Variants in SLC28A3 observed in about 807,000 individuals in gnomAD.
SLC28A3 encodes concentrative Na(+)-nucleoside cotransporter 3.
In SLC28A3, 68 loss-of-function variants were observed where a neutral mutation model predicts 84.2. The observed-to-expected ratio is 0.81, with a 90% CI of 0.66 to 0.99. The LOEUF is 0.99. Among genes scored for constraint, SLC28A3 ranks in the 50% least tolerant of loss-of-function variants. The probability of loss-of-function intolerance (pLI) is 0.00; values close to 1 mark genes in which losing one functional copy is unlikely to be tolerated. For synonymous variants in SLC28A3, 267 were observed against 303.6 expected (o/e 0.88, Z 1.25); for missense variants, 712 against 841.5 (o/e 0.85, Z 1.90).
At chr9:84,286,212 A>G in intron 12 of SLC28A3, 101 bp from the exon 13 acceptor site, 2 of 1,129,024 alleles carry the variant, frequency 1.8e-6, no homozygotes, top group Non-Finnish European at 2.5e-6. Flanking sequence ...TAAGAGACAA[A>G]CTCTAAGGCC....
intron 1 of SLC28A3, among the ~76,000 whole-genome samples, chr9:84,340,073 C>G (rs1827105239): frequency 6.6e-6 from 1 of 152,182 alleles, no homozygotes. Context: ...GGCACCCAGC[C>G]TCGGGCTGAG....
In SLC28A3 at chr9:84,279,259, C is replaced by A; in HGVS notation, c.1949+6G>T. The A allele has an allele frequency of 6.3e-7, 1 of 1,598,694 alleles. No individual in the cohort carries two copies. On this transcript the variant is annotated splice_donor_region_variant and intron_variant, in intron 17 of 17. Coordinates refer to ENST00000376238, the MANE Select transcript of SLC28A3 (RefSeq NM_001199633.2). Reference sequence around the variant, plus strand: ...TATAAAGAAATTATAATCAAGAATACAATACCTGCTCAACAGACTTTGGCA... The same window carrying A: ...TATAAAGAAATTATAATCAAGAATAAAATACCTGCTCAACAGACTTTGGCA...
At chr9:84,342,079 A>G (rs937166955), upstream of SLC28A3, among the ~76,000 whole-genome samples, 4 of 149,256 alleles carry the variant, frequency 2.7e-5, no homozygotes, top group African/African-American at 1.0e-4. Flanking sequence ...CAGTGAGCCG[A>G]AAACGCACCG....
chr9:84,347,955 C>A, the SLC28A3 span, among the ~76,000 whole-genome samples: 1 of 152,072 alleles, frequency 6.6e-6, no homozygotes, highest in Admixed American at 6.5e-5. Context: ...CTAGGGCGCA[C>A]AAGTTTGCAC....
chr9:84,298,788 C>T (rs1227279817), intron 6 of SLC28A3, among the ~76,000 whole-genome samples: 2 of 152,158 alleles, frequency 1.3e-5, no homozygotes, highest in Admixed American at 1.3e-4. Context: ...AAATATTGCC[C>T]TGTCAAGAGG....
intron 1 of SLC28A3, among the ~76,000 whole-genome samples, chr9:84,320,045 T>G (rs1433932693): frequency 1.7e-5 from 2 of 114,876 alleles, no homozygotes; most frequent in Non-Finnish European, 3.4e-5. Flanking sequence ...GCACTGTTTT[T>G]TTTTTTTTTT....
chr9:84,329,286 C>T (rs1310281541), intron 1 of SLC28A3, among the ~76,000 whole-genome samples: 1 of 152,180 alleles, frequency 6.6e-6, no homozygotes. Context: ...TATTTCATTA[C>T]CCCATCTTCA....
the SLC28A3 span, among the ~76,000 whole-genome samples, chr9:84,355,703 A>G: frequency 6.6e-6 from 1 of 152,106 alleles, no homozygotes; most frequent in Admixed American, 6.6e-5. Flanking sequence ...TTTTGTGAGG[A>G]TCTAACGAGA....
chr9:84,286,438 T>C (rs1222686763), intron 12 of SLC28A3, among the ~76,000 whole-genome samples: 2 of 140,232 alleles, frequency 1.4e-5, no homozygotes, highest in African/African-American at 2.7e-5. Context: ...TGTGCCACCA[T>C]GCTTGGCTTT....
At chr9:84,347,283 AT>A in the SLC28A3 span, among the ~76,000 whole-genome samples, 8 of 151,926 alleles carry the variant, frequency 5.3e-5, no homozygotes, top group South Asian at 1.7e-3. Flanking sequence ...TACCTTTAAG[AT>A]ACTTATGTTG....
chr9:84,300,321 G>GTGAT (rs1356126692), intron 5 of SLC28A3, among the ~76,000 whole-genome samples: 11 of 152,288 alleles, frequency 7.2e-5, no homozygotes, highest in African/African-American at 2.6e-4. Context: ...GGAATGTCTG[G>GTGAT]TGATTTCTTT....
intron 14 of SLC28A3, among the ~76,000 whole-genome samples, chr9:84,283,379 A>C (rs941994627): frequency 6.6e-6 from 1 of 152,250 alleles, no homozygotes; most frequent in African/African-American, 2.4e-5. Context: ...AAAACAGATA[A>C]CTGCTTATCA....
At chr9:84,357,354 T>A in the SLC28A3 span, among the ~76,000 whole-genome samples, 2 of 152,100 alleles carry the variant, frequency 1.3e-5, no homozygotes, top group African/African-American at 2.4e-5. Flanking sequence ...GTCAGGAAAG[T>A]GTAACGGCTG....
chr9:84,286,462 T>TTTTTTTTTTTTAAGAGACGGGGTCA (rs1312081747), intron 12 of SLC28A3, among the ~76,000 whole-genome samples: 2 of 149,364 alleles, frequency 1.3e-5, no homozygotes, highest in African/African-American at 5.0e-5. Flanking sequence ...TTTTTTTTTT[T>TTTTTTTTTTTTAAGAGACGGGGTCA]TTTTTTAAGA....
At chr9:84,314,119 T>C (rs910877856) in intron 1 of SLC28A3, among the ~76,000 whole-genome samples, 1 of 152,176 alleles carries the variant, frequency 6.6e-6, no homozygotes, top group Admixed American at 6.5e-5. Flanking sequence ...CTGAATAGCC[T>C]TATTCTTAGA....
chr9:84,326,659 AC>A (rs1826563164), intron 1 of SLC28A3, among the ~76,000 whole-genome samples: 1 of 151,784 alleles, frequency 6.6e-6, no homozygotes, highest in African/African-American at 2.4e-5. Flanking sequence ...AACAACAACA[AC>A]AACAACAACA....
At chr9:84,297,733 C>A (rs1466684046) in intron 7 of SLC28A3, among the ~76,000 whole-genome samples, 173 bp downstream of exon 7, 2 of 152,178 alleles carry the variant, frequency 1.3e-5, no homozygotes, top group African/African-American at 4.8e-5. Flanking sequence ...GTTAACAAAC[C>A]AGACAGACTA....
intron 1 of SLC28A3, among the ~76,000 whole-genome samples, chr9:84,317,844 A>G (rs1826226581): frequency 6.6e-6 from 1 of 152,148 alleles, no homozygotes; most frequent in African/African-American, 2.4e-5. Flanking sequence ...GTTCTGGGGC[A>G]TTTACAGTCG....
intron 1 of SLC28A3, among the ~76,000 whole-genome samples, chr9:84,315,807 G>C (rs10868144): frequency 0.35 from 53,461 of 151,992 alleles, 13,247 homozygotes; most frequent in African/African-American, 0.69. Flanking sequence ...CTGTGATATG[G>C]GGCCCCAGAT....
Sources: allele counts gnomAD v4.1 joint callset (sites outside exome capture counted in the v4.1 genomes callset), GRCh38; gene constraint gnomAD v4.1.1; transcripts MANE v1.5; gene names NCBI Gene and HGNC (gene_info 2026-07-23, HGNC 2026-07-21).